The following IL1RAPL2 variants were observed in gnomAD, a reference collection of about 807,000 sequenced individuals.
IL1RAPL2 encodes interleukin 1 receptor accessory protein like 2.
Under a neutral mutation model 44.1 loss-of-function variants are expected in IL1RAPL2, and 3 were observed. That is an observed-to-expected ratio of 0.07 (90% confidence interval 0.03 to 0.18). IL1RAPL2 has a LOEUF of 0.18. IL1RAPL2 is among the 10% of genes least tolerant of loss of function. IL1RAPL2 has a pLI of 1.00. For missense variants in IL1RAPL2, 391 were observed against 496.4 expected (o/e 0.79, Z 2.02); for synonymous variants, 181 against 178.8 (o/e 1.01, Z -0.10).
intron 2 of IL1RAPL2, among the ~76,000 whole-genome samples, chrX:104,798,112 A>G (rs931754617): frequency 6.3e-5 from 7 of 111,866 alleles, no homozygotes; most frequent in Admixed American, 5.7e-4. Context: ...TCGATGATTT[A>G]GATTTAAAAT....
intron 6 of IL1RAPL2, among the ~76,000 whole-genome samples, chrX:105,643,546 C>G (rs934318777): frequency 4.5e-5 from 5 of 112,016 alleles, no homozygotes; most frequent in African/African-American, 1.3e-4. Flanking sequence ...AAATGAGTAC[C>G]CTCCCTGGAT....
At chrX:105,036,010 C>T (rs2031622493) in intron 2 of IL1RAPL2, among the ~76,000 whole-genome samples, 1 of 111,844 alleles carries the variant, frequency 8.9e-6, no homozygotes, top group Non-Finnish European at 1.9e-5. Context: ...CCATAGTCTA[C>T]ATGGTTCCCT....
At chrX:104,956,241 G>T (rs1247768611) in intron 2 of IL1RAPL2, among the ~76,000 whole-genome samples, 3 of 111,780 alleles carry the variant, frequency 2.7e-5, no homozygotes, top group Non-Finnish European at 5.6e-5. Flanking sequence ...GGGAGATCTG[G>T]CTTCTAACAG....
intron 2 of IL1RAPL2, among the ~76,000 whole-genome samples, chrX:104,694,193 C>T (rs921464335): frequency 2.7e-5 from 3 of 111,868 alleles, no homozygotes; most frequent in African/African-American, 9.7e-5. Context: ...CATTGTTCCT[C>T]AGAATTTGTC....
chrX:105,264,893 T>C (rs1452711102), intron 4 of IL1RAPL2, among the ~76,000 whole-genome samples: 2 of 109,928 alleles, frequency 1.8e-5, no homozygotes, highest in Non-Finnish European at 3.8e-5. Flanking sequence ...ATGCCACAGT[T>C]AAAAAAAAAT....
chrX:105,031,152 A>G (rs1446033237), intron 2 of IL1RAPL2, among the ~76,000 whole-genome samples: 1 of 110,173 alleles, frequency 9.1e-6, no homozygotes, highest in Non-Finnish European at 1.9e-5. Flanking sequence ...GGCTGAGACG[A>G]TGGGGTTTTC....
chrX:104,605,852 A>G (rs1928997120), intron 1 of IL1RAPL2, among the ~76,000 whole-genome samples: 1 of 111,941 alleles, frequency 8.9e-6, no homozygotes, highest in South Asian at 3.8e-4. Context: ...AAAAAAGCCC[A>G]GGACCAGATG....
At chrX:104,878,457 C>T (rs1265099145) in intron 2 of IL1RAPL2, among the ~76,000 whole-genome samples, 3 of 112,049 alleles carry the variant, frequency 2.7e-5, no homozygotes, top group East Asian at 2.8e-4. Context: ...AACTGAGGCA[C>T]AGGAAAGTTA....
chrX:105,724,781 T>C (rs1180779604), intron 7 of IL1RAPL2, among the ~76,000 whole-genome samples: 4 of 112,031 alleles, frequency 3.6e-5, no homozygotes, highest in Non-Finnish European at 5.6e-5. Context: ...AGAAGTCAAA[T>C]AATTATTTCG....
chrX:105,198,593 A>T (rs1292028631), intron 3 of IL1RAPL2, among the ~76,000 whole-genome samples: 1 of 112,210 alleles, frequency 8.9e-6, no homozygotes, highest in Non-Finnish European at 1.9e-5. Flanking sequence ...ATTATTAGCT[A>T]AAGTCCATAT....
chrX:105,729,138 CAT>C (rs894545817), intron 7 of IL1RAPL2, among the ~76,000 whole-genome samples: 3 of 111,381 alleles, frequency 2.7e-5, no homozygotes, highest in Admixed American at 1.9e-4. Flanking sequence ...TATTGATTGA[CAT>C]ATTGGTTATT....
At chrX:104,723,471 G>A (rs1284973423) in intron 2 of IL1RAPL2, among the ~76,000 whole-genome samples, 4 of 110,372 alleles carry the variant, frequency 3.6e-5, no homozygotes, top group Admixed American at 1.9e-4. Flanking sequence ...GTGCAGTACA[G>A]TCAGACTGTG....
At chrX:105,356,066 G>A (rs1455274983) in intron 5 of IL1RAPL2, among the ~76,000 whole-genome samples, 1 of 110,799 alleles carries the variant, frequency 9.0e-6, no homozygotes, top group Non-Finnish European at 1.9e-5. Context: ...TACAAATAGG[G>A]ATTCTGATAC....
intron 2 of IL1RAPL2, among the ~76,000 whole-genome samples, chrX:104,887,039 C>G (rs920707989): frequency 1.8e-5 from 2 of 112,541 alleles, no homozygotes; most frequent in African/African-American, 6.5e-5. Context: ...TAATCTTAGC[C>G]AGAGAGACCA....
chrX:105,575,858 G>A (rs936994330), intron 6 of IL1RAPL2, among the ~76,000 whole-genome samples: 1 of 111,712 alleles, frequency 9.0e-6, no homozygotes, highest in African/African-American at 3.3e-5. Context: ...TTTAATAATA[G>A]CCATTCTGAT....
intron 5 of IL1RAPL2, among the ~76,000 whole-genome samples, chrX:105,280,664 A>T (rs1437827234): frequency 8.9e-6 from 1 of 112,502 alleles, no homozygotes; most frequent in Admixed American, 9.4e-5. Flanking sequence ...GCCAACAGAC[A>T]TATGAAGAAA....
At chrX:105,549,877 G>A (rs2036837927) in intron 6 of IL1RAPL2, among the ~76,000 whole-genome samples, 1 of 111,479 alleles carries the variant, frequency 9.0e-6, no homozygotes, top group South Asian at 3.7e-4. Context: ...CAGTCATTCC[G>A]GCCAACTTCT....
rs754290529 is a variant in IL1RAPL2, at chrX:105,337,709, G to T, written c.697+70168G>T. Among the ~76,000 whole-genome samples, 11 of 111,833 alleles carry T rather than the reference G, an allele frequency of 9.8e-5. No homozygotes were observed. In the East Asian group the frequency reaches 2.8e-3, roughly 29 times the overall value. On this transcript the variant is annotated intron_variant, in intron 5 of 10. Coordinates refer to ENST00000372582, the MANE Select transcript of IL1RAPL2 (RefSeq NM_017416.2). ...GATAGAGACCATCCTGGCTAACATG[G>T]TGAAACCCTGTCTCTACTAAAAATA...
intron 5 of IL1RAPL2, among the ~76,000 whole-genome samples, chrX:105,285,011 C>G (rs980844039): frequency 3.6e-5 from 4 of 111,909 alleles, no homozygotes; most frequent in Non-Finnish European, 5.6e-5. Flanking sequence ...TAAAGAAGTT[C>G]GAGTTTTTGG....
Sources: gnomAD v4.1 joint callset for allele counts (sites outside exome capture counted in the v4.1 genomes callset) on GRCh38, gnomAD v4.1.1 for gene constraint, MANE v1.5 for transcripts, NCBI Gene and HGNC (gene_info 2026-07-23, HGNC 2026-07-21) for gene names.